The following SLC17A8 variants were observed in gnomAD, a reference collection of about 807,000 sequenced individuals.
SLC17A8 encodes solute carrier family 17 member 8.
Under a neutral mutation model 58.0 loss-of-function variants are expected in SLC17A8, and 31 were observed. That is an observed-to-expected ratio of 0.53 (90% confidence interval 0.40 to 0.72). The LOEUF is 0.72. SLC17A8 is among the 30% of genes least tolerant of loss of function. SLC17A8 has a pLI of 0.00. For synonymous variants in SLC17A8, 228 were observed against 249.0 expected, an observed-to-expected ratio of 0.92 and a Z score of 0.79; for missense variants, 655 against 727.8, an observed-to-expected ratio of 0.90 and a Z score of 1.15.
At chr12:100,399,427 T>C (rs767373523) in intron 5 of SLC17A8, among the ~76,000 whole-genome samples, 1 of 152,210 alleles carries the variant, frequency 6.6e-6, no homozygotes, top group Admixed American at 6.5e-5. Flanking sequence ...TGTATTAGTC[T>C]GTTTTCACAT....
At chr12:100,398,306 C>T (rs553462017) in intron 5 of SLC17A8, among the ~76,000 whole-genome samples, 1 of 152,296 alleles carries the variant, frequency 6.6e-6, no homozygotes, top group East Asian at 1.9e-4. Context: ...TTAAGCATCT[C>T]CATCCCTACT....
intron 1 of SLC17A8, among the ~76,000 whole-genome samples, chr12:100,366,539 T>C (rs1333026252): frequency 2.6e-5 from 4 of 152,222 alleles, no homozygotes; most frequent in South Asian, 2.1e-4. Context: ...TATTTCTCTT[T>C]CTTCAGTGTA....
intron 2 of SLC17A8, among the ~76,000 whole-genome samples, chr12:100,382,166 G>A (rs927666914): frequency 6.6e-6 from 1 of 152,160 alleles, no homozygotes; most frequent in Non-Finnish European, 1.5e-5. Flanking sequence ...TAAATAGGGG[G>A]CTGATCATCC....
chr12:100,360,980 C>T (rs185531365), intron 1 of SLC17A8, among the ~76,000 whole-genome samples: 16 of 152,320 alleles, frequency 1.1e-4, no homozygotes, highest in African/African-American at 3.6e-4. Context: ...GTCCCTGCAT[C>T]GTGTCTGTCT....
intron 1 of SLC17A8, among the ~76,000 whole-genome samples, chr12:100,370,594 G>A (rs2135975293): frequency 7.3e-6 from 1 of 137,702 alleles, no homozygotes; most frequent in African/African-American, 2.8e-5. Flanking sequence ...ACCGTGCCCA[G>A]CCAATTAATC....
At chr12:100,373,895 A>G (rs1241287566) in intron 1 of SLC17A8, among the ~76,000 whole-genome samples, 2 of 152,064 alleles carry the variant, frequency 1.3e-5, no homozygotes, top group Non-Finnish European at 2.9e-5. Flanking sequence ...GGCCCAAATC[A>G]GTGGCTATTT....
chr12:100,384,880 T>A (rs183701428), intron 2 of SLC17A8, among the ~76,000 whole-genome samples: 2 of 152,158 alleles, frequency 1.3e-5, no homozygotes, highest in African/African-American at 4.8e-5. Flanking sequence ...GAGTCTTTCA[T>A]TGGCTTTTCT....
intron 2 of SLC17A8, among the ~76,000 whole-genome samples, chr12:100,389,811 T>TATTATTATTATC (rs1566395057): frequency 7.1e-6 from 1 of 141,618 alleles, no homozygotes; most frequent in Non-Finnish European, 1.6e-5. Flanking sequence ...TTTGTATTAT[T>TATTATTATTATC]ATTATTATTA....
At chr12:100,417,392 T>C (rs900455361) in intron 10 of SLC17A8, among the ~76,000 whole-genome samples, 4 of 152,194 alleles carry the variant, frequency 2.6e-5, no homozygotes, top group Admixed American at 6.5e-5. Flanking sequence ...TATCCTCATA[T>C]TGGAGATGAA....
chr12:100,377,145 G>GT (rs1278066289), intron 1 of SLC17A8, among the ~76,000 whole-genome samples: 2 of 152,060 alleles, frequency 1.3e-5, no homozygotes, highest in Non-Finnish European at 2.9e-5. Context: ...TAAGTTACAC[G>GT]TATTTGGTTG....
chr12:100,398,182 T>C (rs1288924593), intron 5 of SLC17A8, among the ~76,000 whole-genome samples: 3 of 152,232 alleles, frequency 2.0e-5, no homozygotes, highest in Non-Finnish European at 4.4e-5. Context: ...GTGTGAGGTA[T>C]TCACCGCTAT....
In SLC17A8 at chr12:100,406,818, G is replaced by A. The variant is rs145884564; in HGVS notation, c.1186+2648G>A. On this transcript the variant is annotated intron_variant, in intron 9 of 11. Transcript: ENST00000323346. ...TCCAAAGTGCTGGGATTACAGGCAT[G>A]AGCCACCTCGCCTGGCCTTGCTTAT... Among the ~76,000 whole-genome samples the A allele has an allele frequency of 8.3e-3, 1,261 of 152,332 alleles. 11 individuals carry two copies. The highest frequency in any genetic ancestry group is 0.022 in the African/African-American group (934 of 41,566).
intron 1 of SLC17A8, among the ~76,000 whole-genome samples, chr12:100,363,436 C>G (rs1005508135): frequency 6.6e-6 from 1 of 152,086 alleles, no homozygotes; most frequent in Non-Finnish European, 1.5e-5. Flanking sequence ...GGCTTGATCT[C>G]AGCTCACTGC....
chr12:100,394,997 C>T (rs79762272), intron 4 of SLC17A8, among the ~76,000 whole-genome samples: 1,636 of 151,734 alleles, frequency 0.011, 34 homozygotes, highest in African/African-American at 0.038. Context: ...GGGATGTACC[C>T]GTGTAGTGGA....
chr12:100,393,054 A>G (rs1459343520), intron 3 of SLC17A8, among the ~76,000 whole-genome samples: 3 of 152,204 alleles, frequency 2.0e-5, no homozygotes, highest in Admixed American at 1.3e-4. Flanking sequence ...GAAGCCCAAG[A>G]GTCTAGCTTG....
chr12:100,361,896 G>A (rs1952487252), intron 1 of SLC17A8, among the ~76,000 whole-genome samples: 3 of 151,198 alleles, frequency 2.0e-5, no homozygotes, highest in Non-Finnish European at 4.4e-5. Context: ...GGGAGGCAGA[G>A]GTTGCAGTGA....
Position 100,398,261 on chromosome 12 carries a change from T to A in SLC17A8, c.676+1844T>A, listed in dbSNP as rs73376011. On this transcript the variant is annotated intron_variant, in intron 5 of 11. Transcript: ENST00000323346. ...GTCTTTACATATTCAGTGTCTCTTG[T>A]CCTTAGAAACCATCTCCATCCGCTC... Among the ~76,000 whole-genome samples the A allele has an allele frequency of 5.4e-3, 830 of 152,304 alleles. 12 individuals carry two copies. Among genetic ancestry groups the A allele is most frequent in the African/African-American group, 0.018 (744 of 41,570 alleles).
Position 100,396,332 on chromosome 12 carries a change from T to G in SLC17A8, c.591T>G (p.Gly197=). 6.2e-7 allele frequency: 1 copy of G among 1,613,774 alleles called. No homozygotes were observed. The highest frequency in any genetic ancestry group is 1.1e-5 in the South Asian group (1 of 91,070). ...CVRILQGLVE[G]VTYPACHGMW... is the part of the protein sequence containing the mutation. ...TCTATTTTCAACTCTTCTGCCAGGG[T>G]GTGACCTACCCAGCCTGCCATGGGA... Residue 197 remains glycine (G), a splice_region_variant and synonymous_variant, in exon 5 of 12, where the codon GGT becomes GGG. Coordinates refer to ENST00000323346, the MANE Select transcript of SLC17A8 (RefSeq NM_139319.3).
At chr12:100,389,283 C>T (rs1952696919) in intron 2 of SLC17A8, among the ~76,000 whole-genome samples, 1 of 152,094 alleles carries the variant, frequency 6.6e-6, no homozygotes, top group African/African-American at 2.4e-5. Flanking sequence ...AGTCACTATC[C>T]TAATCTGTTA....
Sources: allele counts gnomAD v4.1 joint callset (sites outside exome capture counted in the v4.1 genomes callset), GRCh38; gene constraint gnomAD v4.1.1; transcripts MANE v1.5; gene names NCBI Gene and HGNC (gene_info 2026-07-23, HGNC 2026-07-21).